TRIM37: variants seen among roughly 807,000 people sequenced by gnomAD.
TRIM37 encodes E3 ubiquitin-protein ligase TRIM37.
Under a neutral mutation model 129.8 loss-of-function variants are expected in TRIM37, and 80 were observed. The observed-to-expected ratio is 0.62, with a 90% CI of 0.51 to 0.74. The LOEUF is 0.74. TRIM37 is among the 30% of genes least tolerant of loss of function. TRIM37 has a pLI of 0.00. For missense variants in TRIM37, 1,054 were observed against 1,176.5 expected (o/e 0.90, Z 1.52); for synonymous variants, 389 against 387.1 (o/e 1.00, Z -0.06).
At chr17:59,069,754 T>C (rs1228262350) in intron 9 of TRIM37, among the ~76,000 whole-genome samples, 1 of 152,164 alleles carries the variant, frequency 6.6e-6, no homozygotes, top group Non-Finnish European at 1.5e-5. Context: ...CCAGGGCCTT[T>C]AGGAAGATAA....
chr17:59,092,872 GA>G (rs921127118), intron 2 of TRIM37, among the ~76,000 whole-genome samples: 8 of 152,160 alleles, frequency 5.3e-5, no homozygotes, highest in South Asian at 2.1e-4. Flanking sequence ...AAAGCTGAAA[GA>G]AAAAGCATAC....
chr17:59,008,903 G>A (rs1336307974), intron 22 of TRIM37, among the ~76,000 whole-genome samples: 1 of 152,124 alleles, frequency 6.6e-6, no homozygotes, highest in Non-Finnish European at 1.5e-5. Context: ...CTATTCAAAT[G>A]ACAAAGTTCA....
At chr17:58,998,009 CTCTGAAGAAA>C (rs1411118540), downstream of TRIM37, among the ~76,000 whole-genome samples, 1 of 152,194 alleles carries the variant, frequency 6.6e-6, no homozygotes, top group African/African-American at 2.4e-5. Flanking sequence ...AAGCTATCAT[CTCTGAAGAAA>C]TCTTTTGGCC....
chr17:59,089,098 T>TA (rs1287628149), intron 3 of TRIM37, among the ~76,000 whole-genome samples: 1 of 151,620 alleles, frequency 6.6e-6, no homozygotes, highest in East Asian at 2.0e-4. Context: ...CCTGTCTCTA[T>TA]AAAAAATTAG....
intron 15 of TRIM37, 77 bp from the exon 16 acceptor site, chr17:59,047,896 C>A: frequency 6.5e-7 from 1 of 1,546,970 alleles, no homozygotes. Flanking sequence ...AGCCCATAAA[C>A]CAAGCACCAA....
intron 16 of TRIM37, among the ~76,000 whole-genome samples, chr17:59,042,443 A>ATATAT (rs1281091065): frequency 1.6e-4 from 8 of 50,208 alleles, no homozygotes; most frequent in South Asian, 7.1e-4. Context: ...AAAAAAAAAA[A>ATATAT]AAAAAAATAT....
the TRIM37 span, chr17:58,969,494 A>C: frequency 2.0e-5 from 31 of 1,582,428 alleles, no homozygotes; most frequent in Middle Eastern, 1.7e-4. Context: ...CATTTGAATC[A>C]TGCTATACCC....
chr17:58,989,257 G>A (rs1340906635), intron 24 of TRIM37, among the ~76,000 whole-genome samples: 3 of 151,946 alleles, frequency 2.0e-5, no homozygotes, highest in Non-Finnish European at 2.9e-5. Context: ...TCAACATGGC[G>A]AAACCCCGTC....
intron 13 of TRIM37, 110 bp downstream of exon 13, chr17:59,056,765 T>C (rs2040960567): frequency 1.6e-6 from 1 of 643,608 alleles, no homozygotes; most frequent in East Asian, 3.6e-5. Context: ...AGGTTATAGT[T>C]AGTATGAATT....
chr17:59,064,386 C>T lies in TRIM37; in HGVS notation c.829G>A (p.Asp277Asn), dbSNP rs780847322. Residue 277 changes from aspartate (D) to asparagine (N), a missense_variant, in exon 10 of 24, where the codon GAT (aspartate) becomes AAT (asparagine). By Grantham distance (23) the Asp-to-Asn change is conservative (BLOSUM62 1). Around this residue, in one of 3 missense-constraint regions of TRIM37, gnomAD observed 752 missense variants for 870.8 expected, o/e 0.86. Coordinates refer to ENST00000262294, the MANE Select transcript of TRIM37 (RefSeq NM_015294.6). ...DFTSELVPSYDSATFVLENFS... is the reference protein window; with the variant it reads ...DFTSELVPSYNSATFVLENFS... ...TTCTCTAAAACAAAAGTAGCTGAAT[C>T]GTAAGATGGCACTAATTCACTAAAA... The T allele has an allele frequency of 3.8e-6, 6 of 1,596,438 alleles. No individual in the cohort carries two copies. The highest frequency in any genetic ancestry group is 5.1e-6 in the Non-Finnish European group (6 of 1,170,900).
chr17:59,101,332 AT>A (rs1160172777), intron 2 of TRIM37, among the ~76,000 whole-genome samples: 6 of 152,160 alleles, frequency 3.9e-5, no homozygotes, highest in Non-Finnish European at 8.8e-5. Flanking sequence ...AAATATTAAT[AT>A]AGTAGCAGGA....
chr17:59,006,363 T>C (rs2034482424), intron 22 of TRIM37, among the ~76,000 whole-genome samples: 1 of 152,228 alleles, frequency 6.6e-6, no homozygotes, highest in African/African-American at 2.4e-5. Flanking sequence ...GAGCACCTAC[T>C]ATGTATGTGC....
chr17:59,054,027 G>C (rs573196039), intron 13 of TRIM37, among the ~76,000 whole-genome samples: 1 of 152,044 alleles, frequency 6.6e-6, no homozygotes, highest in Non-Finnish European at 1.5e-5. Flanking sequence ...GAAAAGCTAC[G>C]GAAAACACAT....
chr17:58,988,175 G>A (rs1238172659), intron 24 of TRIM37, among the ~76,000 whole-genome samples: 1 of 152,182 alleles, frequency 6.6e-6, no homozygotes. Context: ...CAGAATATGG[G>A]CTGCAGGAGT....
chr17:59,019,208 T>C (rs908891792), intron 19 of TRIM37, among the ~76,000 whole-genome samples: 8 of 152,146 alleles, frequency 5.3e-5, no homozygotes, highest in Admixed American at 1.3e-4. Flanking sequence ...TGAACGTTCA[T>C]AGCAGCACTA....
the TRIM37 span, chr17:58,969,533 T>C: frequency 1.2e-6 from 2 of 1,613,950 alleles, no homozygotes; most frequent in Admixed American, 3.3e-5. Context: ...GTGTTTCTGT[T>C]GACAGGACCA....
intron 16 of TRIM37, among the ~76,000 whole-genome samples, chr17:59,045,583 G>C (rs1347537246): frequency 1.3e-5 from 2 of 149,932 alleles, no homozygotes; most frequent in Non-Finnish European, 3.0e-5. Context: ...AGGTTGCAGT[G>C]AGCCGAGATC....
intron 9 of TRIM37, among the ~76,000 whole-genome samples, chr17:59,069,380 T>A (rs1378960598): frequency 6.6e-6 from 1 of 151,454 alleles, no homozygotes; most frequent in East Asian, 1.9e-4. Flanking sequence ...ATTAAAAAAA[T>A]AAAAAATAAA....
intron 22 of TRIM37, among the ~76,000 whole-genome samples, chr17:59,009,718 C>T (rs1598864309): frequency 6.6e-6 from 1 of 152,092 alleles, no homozygotes; most frequent in Admixed American, 6.6e-5. Flanking sequence ...AGTGTTGGGA[C>T]TACAGGCATG....
Sources: allele counts gnomAD v4.1 joint callset (sites outside exome capture counted in the v4.1 genomes callset), GRCh38; gene constraint gnomAD v4.1.1; regional missense constraint gnomAD v4.1.1; transcripts MANE v1.5; gene names NCBI Gene and HGNC (gene_info 2026-07-23, HGNC 2026-07-21).